Variants in PKIG observed in about 807,000 individuals in gnomAD.
The protein encoded by PKIG is cAMP-dependent protein kinase inhibitor gamma, also known as protein kinase (cAMP-dependent, catalytic) inhibitor gamma.
A neutral mutation model predicts 6.8 loss-of-function variants in PKIG; 1 was observed. That is an observed-to-expected ratio of 0.15 (90% CI 0.05 to 0.69). PKIG has a LOEUF of 0.69. PKIG is among the 30% of genes least tolerant of loss of function. The probability of loss-of-function intolerance (pLI) is 0.82; values close to 1 mark genes in which losing one functional copy is unlikely to be tolerated. For synonymous variants in PKIG, 39 were observed against 43.0 expected (o/e 0.91, Z 0.36); for missense variants, 77 against 104.0 (o/e 0.74, Z 1.13).
At chr20:44,578,205 G>A (rs2064916334), upstream of PKIG, among the ~76,000 whole-genome samples, 1 of 151,786 alleles carries the variant, frequency 6.6e-6, no homozygotes, top group Non-Finnish European at 1.5e-5. Flanking sequence ...GCCGGGCATG[G>A]TGGTGGGCGC....
At chr20:44,565,679 C>T (rs946586329) in intron 1 of PKIG, among the ~76,000 whole-genome samples, 37 of 152,166 alleles carry the variant, frequency 2.4e-4, no homozygotes, top group African/African-American at 8.4e-4. Flanking sequence ...CCTTCATGCC[C>T]TTCATTGGTC....
rs2064876023 is a variant in PKIG at position 44,574,099 on chromosome 20, T to G, written c.-240-8486T>G. Among the ~76,000 whole-genome samples, 3 of 152,344 alleles carry G rather than the reference T, an allele frequency of 2.0e-5. No individual in the cohort carries two copies. In the South Asian group the frequency reaches 6.2e-4, roughly 32 times the overall value. On this transcript the variant is annotated intron_variant, in intron 1 of 4. Transcript: ENST00000372887. ...GTTACTTCTATTTCTCTAAATAATG[T>G]TACTCCCATTTCCTTTTTTAAATGA... is the stretch of plus-strand genomic sequence containing the variant.
intron 1 of PKIG, among the ~76,000 whole-genome samples, chr20:44,586,892 G>C (rs2064994247): frequency 6.6e-6 from 1 of 152,206 alleles, no homozygotes; most frequent in Admixed American, 6.5e-5. Flanking sequence ...TCTTACTGGA[G>C]GAAGCTGCAT....
At chr20:44,585,114 GT>G (rs2064979472) in intron 1 of PKIG, 1 of 152,414 alleles carries the variant, frequency 6.6e-6, no homozygotes, top group Non-Finnish European at 1.5e-5. Context: ...TGGTGAGGAG[GT>G]GATGTTCTGG....
intron 3 of PKIG, among the ~76,000 whole-genome samples, chr20:44,616,109 T>C (rs778096332): frequency 1.3e-5 from 2 of 152,120 alleles, no homozygotes; most frequent in Non-Finnish European, 2.9e-5. Flanking sequence ...CTGTGGGCCT[T>C]CACACGCTGC....
chr20:44,601,359 A>G (rs1214129164), intron 2 of PKIG, among the ~76,000 whole-genome samples: 13 of 152,266 alleles, frequency 8.5e-5, no homozygotes, highest in Non-Finnish European at 7.3e-5. Context: ...CAGGCAGGCG[A>G]CAGGCTCCTC....
intron 1 of PKIG, among the ~76,000 whole-genome samples, chr20:44,539,215 C>T (rs889501934): frequency 2.0e-5 from 3 of 152,076 alleles, no homozygotes; most frequent in Non-Finnish European, 4.4e-5. Context: ...TTACTACAGG[C>T]GTGAGCCATC....
intron 2 of PKIG, among the ~76,000 whole-genome samples, chr20:44,596,992 G>A (rs2065080651): frequency 6.6e-6 from 1 of 151,928 alleles, no homozygotes; most frequent in African/African-American, 2.4e-5. Flanking sequence ...AGTCTTTCTG[G>A]GCAGCAGGCT....
intron 2 of PKIG, among the ~76,000 whole-genome samples, chr20:44,600,656 G>A (rs1188779807): frequency 6.6e-6 from 1 of 151,926 alleles, no homozygotes; most frequent in Non-Finnish European, 1.5e-5. Flanking sequence ...GACTAGGCTG[G>A]GCAGCATCGT....
chr20:44,538,985 C>T (rs903726907), intron 1 of PKIG, among the ~76,000 whole-genome samples: 1 of 151,630 alleles, frequency 6.6e-6, no homozygotes, highest in Non-Finnish European at 1.5e-5. Flanking sequence ...AATGCAGTGG[C>T]GTGATCTCCA....
intron 2 of PKIG, among the ~76,000 whole-genome samples, chr20:44,605,134 G>T (rs1053384961): frequency 6.6e-6 from 1 of 152,110 alleles, no homozygotes; most frequent in African/African-American, 2.4e-5. Context: ...GGCCAGGTGC[G>T]GTGGCTCACG....
chr20:44,574,105 C>A (rs2064876043), intron 1 of PKIG, among the ~76,000 whole-genome samples: 2 of 152,042 alleles, frequency 1.3e-5, no homozygotes, highest in Admixed American at 1.3e-4. Context: ...AATGTTACTC[C>A]CATTTCCTTT....
At chr20:44,551,346 G>T (rs909534599) in intron 1 of PKIG, among the ~76,000 whole-genome samples, 2 of 152,262 alleles carry the variant, frequency 1.3e-5, no homozygotes, top group Non-Finnish European at 2.9e-5. Context: ...GAGCCACCGC[G>T]CCCGGCCCAA....
At chr20:44,563,048 TA>T (rs946884988) in intron 1 of PKIG, among the ~76,000 whole-genome samples, 2 of 151,066 alleles carry the variant, frequency 1.3e-5, no homozygotes, top group South Asian at 4.2e-4. Flanking sequence ...AGACTCCATT[TA>T]AAAAAAAACA....
chr20:44,576,041 A>AAT (rs902380171), intron 1 of PKIG, among the ~76,000 whole-genome samples: 4 of 152,096 alleles, frequency 2.6e-5, no homozygotes, highest in African/African-American at 9.7e-5. Context: ...TTTGAAATGA[A>AAT]ATCCCTTGTT....
intron 2 of PKIG, among the ~76,000 whole-genome samples, chr20:44,600,028 C>T (rs1217292354): frequency 1.3e-5 from 2 of 152,140 alleles, no homozygotes; most frequent in East Asian, 3.9e-4. Flanking sequence ...GGTCCTAGAG[C>T]AAGAACATTT....
chr20:44,597,663 A>G (rs555752217), intron 2 of PKIG, among the ~76,000 whole-genome samples: 104 of 152,350 alleles, frequency 6.8e-4, no homozygotes, highest in Admixed American at 4.6e-4. Context: ...AGAACAGTCC[A>G]TCTGGATCAC....
At chr20:44,578,213 C>T (rs929016592), upstream of PKIG, among the ~76,000 whole-genome samples, 13 of 151,012 alleles carry the variant, frequency 8.6e-5, no homozygotes, top group African/African-American at 2.9e-4. Context: ...TGGTGGTGGG[C>T]GCCTGTAGTC....
intron 2 of PKIG, among the ~76,000 whole-genome samples, chr20:44,593,952 G>T (rs1365307041): frequency 6.6e-6 from 1 of 152,238 alleles, no homozygotes; most frequent in Non-Finnish European, 1.5e-5. Flanking sequence ...AGCTCAAAGA[G>T]TATGGTTTAT....
Sources: allele counts gnomAD v4.1 joint callset (sites outside exome capture counted in the v4.1 genomes callset), GRCh38; gene constraint gnomAD v4.1.1; transcripts MANE v1.5; gene names NCBI Gene and HGNC (gene_info 2026-07-23, HGNC 2026-07-21).